Variants in FAM184A observed in about 807,000 individuals in gnomAD.
FAM184A encodes the protein family with sequence similarity 184 member A, also known as protein FAM184A.
In FAM184A, 99 loss-of-function variants were observed where a neutral mutation model predicts 143.8. The observed-to-expected ratio is 0.69, with a 90% CI of 0.58 to 0.81. The LOEUF (loss-of-function observed/expected upper bound fraction) is 0.81. Among genes scored for constraint, FAM184A ranks in the 40% least tolerant of loss-of-function variants. The probability of loss-of-function intolerance (pLI) is 0.00; values close to 1 mark genes in which losing one functional copy is unlikely to be tolerated. For missense variants in FAM184A, 1,217 were observed against 1,310.5 expected (o/e 0.93, Z 1.10); for synonymous variants, 427 against 446.4 (o/e 0.96, Z 0.55).
intron 1 of FAM184A, among the ~76,000 whole-genome samples, chr6:119,133,399 G>A (rs1282173277): frequency 1.3e-5 from 2 of 152,142 alleles, no homozygotes; most frequent in African/African-American, 4.8e-5. Context: ...AGGGTTATTA[G>A]GGAGTGTTCT....
Position 119,130,864 on chromosome 6 carries a change from T to C in FAM184A, c.-202+18214A>G, listed in dbSNP as rs551128409. On this transcript the variant is annotated intron_variant, in intron 1 of 16. Coordinates refer to the FAM184A transcript ENST00000352896. The stretch of plus-strand genomic sequence containing the variant: ...GAATTGTATTTCTTTTTTTCTTTTT[T>C]TTTTTTTTTTTGAGATGGAGTCTCG... Among the ~76,000 whole-genome samples, 6 of 149,162 alleles carry C rather than the reference T, an allele frequency of 4.0e-5. No individual in the cohort carries two copies. In the East Asian group the frequency reaches 1.2e-3, roughly 29 times the overall value.
intron 1 of FAM184A, among the ~76,000 whole-genome samples, chr6:119,049,793 G>A (rs920099018): frequency 3.9e-5 from 6 of 152,096 alleles, no homozygotes; most frequent in Non-Finnish European, 7.4e-5. Context: ...CCATGACAAG[G>A]ACACCAAAAA....
chr6:119,123,105 G>A (rs1444350729), intron 1 of FAM184A, among the ~76,000 whole-genome samples: 10 of 152,054 alleles, frequency 6.6e-5, no homozygotes, highest in Non-Finnish European at 1.3e-4. Context: ...AACAGTAGGG[G>A]CAGGCGGGGG....
chr6:119,073,113 T>C (rs1787752450), intron 1 of FAM184A, among the ~76,000 whole-genome samples: 1 of 152,204 alleles, frequency 6.6e-6, no homozygotes, highest in Non-Finnish European at 1.5e-5. Context: ...TATTTGCAAG[T>C]TTGCATTATT....
rs191591604 is a variant in FAM184A at position 119,094,188 on chromosome 6, C to T, written c.-202+54890G>A. Reference sequence around the variant, plus strand: ...CTGAGCTCAAGCGATCCTTCTGCCACAGCCTCTCGAGTAGCTGGGATTACA... The same window carrying T: ...CTGAGCTCAAGCGATCCTTCTGCCATAGCCTCTCGAGTAGCTGGGATTACA... On this transcript the variant is annotated intron_variant, in intron 1 of 16. Transcript: ENST00000352896. Among the ~76,000 whole-genome samples the T allele has an allele frequency of 7.9e-5, 12 of 152,204 alleles. 1 individual carries two copies. The East Asian group carries it at 1.9e-3, about 25-fold the overall frequency.
At chr6:118,981,221 T>C (rs1784011851) in intron 9 of FAM184A, among the ~76,000 whole-genome samples, 1 of 152,194 alleles carries the variant, frequency 6.6e-6, no homozygotes, top group South Asian at 2.1e-4. Context: ...ATGTATTATA[T>C]ACGTTCATAT....
intron 1 of FAM184A, among the ~76,000 whole-genome samples, chr6:119,038,564 T>C (rs1481667797): frequency 6.6e-6 from 1 of 152,122 alleles, no homozygotes; most frequent in Non-Finnish European, 1.5e-5. Flanking sequence ...CATGGCAACG[T>C]CAGGAAGTTA....
intron 13 of FAM184A, 113 bp from the exon 14 acceptor site, chr6:118,974,687 T>A: frequency 1.1e-6 from 1 of 881,532 alleles, no homozygotes. Context: ...AGAAAATTTA[T>A]GTAAACAGCC....
intron 1 of FAM184A, among the ~76,000 whole-genome samples, chr6:119,094,851 C>T (rs1237345761): frequency 6.6e-6 from 1 of 152,088 alleles, no homozygotes; most frequent in Non-Finnish European, 1.5e-5. Context: ...TTTGAGGAAC[C>T]ATGTGGAATA....
At chr6:119,005,977 G>A (rs1363587667) in intron 7 of FAM184A, 3 of 620,214 alleles carry the variant, frequency 4.8e-6, no homozygotes, top group Admixed American at 2.2e-5. Flanking sequence ...AAGATATACC[G>A]AAGTCCTACC....
chr6:119,115,959 A>C (rs1340771983), intron 1 of FAM184A, among the ~76,000 whole-genome samples: 1 of 148,548 alleles, frequency 6.7e-6, no homozygotes, highest in African/African-American at 2.5e-5. Flanking sequence ...ACAGAGAAAG[A>C]CTCCGTCTCA....
At chr6:119,038,265 G>T (rs1786185682) in intron 1 of FAM184A, among the ~76,000 whole-genome samples, 1 of 152,168 alleles carries the variant, frequency 6.6e-6, no homozygotes, top group Non-Finnish European at 1.5e-5. Flanking sequence ...GGGGATGCTG[G>T]ACACAGAGTG....
chr6:118,960,861 T>TA (rs1332566021), intron 17 of FAM184A: 1 of 1,346,788 alleles, frequency 7.4e-7, no homozygotes, highest in Non-Finnish European at 9.9e-7. Context: ...ATCTTACTGA[T>TA]ACCTGAACAT....
At chr6:119,143,511 CTCGTG>C (rs1268487653) in intron 1 of FAM184A, among the ~76,000 whole-genome samples, 1 of 152,198 alleles carries the variant, frequency 6.6e-6, no homozygotes, top group Non-Finnish European at 1.5e-5. Context: ...TATTTGTGCA[CTCGTG>C]TACACAGCAT....
chr6:119,122,328 T>C (rs1002587291), intron 1 of FAM184A, among the ~76,000 whole-genome samples: 1 of 152,224 alleles, frequency 6.6e-6, no homozygotes, highest in African/African-American at 2.4e-5. Context: ...TTTTTATGCC[T>C]CTGCTGTGTT....
chr6:119,055,229 C>A lies in FAM184A; in HGVS notation c.159+22912G>T, dbSNP rs570830505. Reference sequence around the variant, plus strand: ...TACATTGTAGCATATATCAGTATTTCATTCCTTTTTATGGGCAAATAATAT... The same window carrying A: ...TACATTGTAGCATATATCAGTATTTAATTCCTTTTTATGGGCAAATAATAT... On this transcript the variant is annotated intron_variant, in intron 1 of 17. Transcript: ENST00000338891. Among the ~76,000 whole-genome samples the A allele has an allele frequency of 2.0e-5, 3 of 152,272 alleles. No individual in the cohort carries two copies. The South Asian group carries it at 6.2e-4, about 32-fold the overall frequency.
intron 1 of FAM184A, among the ~76,000 whole-genome samples, chr6:119,091,564 C>T (rs75568924): frequency 0.012 from 1,852 of 152,270 alleles, 18 homozygotes; most frequent in Middle Eastern, 0.034. Context: ...ACTATGGGTC[C>T]TTTAGTGCAA....
intron 16 of FAM184A, chr6:118,963,626 G>A (rs983896819): frequency 5.3e-5 from 8 of 151,950 alleles, no homozygotes; most frequent in African/African-American, 1.9e-4. Flanking sequence ...GAAAATTTCT[G>A]GGTAAAGTCC....
intron 1 of FAM184A, among the ~76,000 whole-genome samples, chr6:119,117,619 G>A (rs758927132): frequency 2.0e-5 from 3 of 152,090 alleles, no homozygotes; most frequent in East Asian, 1.9e-4. Flanking sequence ...GTACCTTCAC[G>A]GTTTATGAAG....
Sources: gnomAD v4.1 joint callset for allele counts (sites outside exome capture counted in the v4.1 genomes callset) on GRCh38, gnomAD v4.1.1 for gene constraint, MANE v1.5 for transcripts, NCBI Gene and HGNC (gene_info 2026-07-23, HGNC 2026-07-21) for gene names.